The following ABCA2 variants were observed in gnomAD, a reference collection of about 807,000 sequenced individuals.
ABCA2 encodes the protein ATP-binding cassette sub-family A member 2.
In ABCA2, 84 loss-of-function variants were observed where a neutral mutation model predicts 262.8. The ratio of observed to expected loss-of-function variants is 0.32; its 90% CI spans 0.27 to 0.38. The LOEUF is 0.38. Ranked by LOEUF, ABCA2 falls within the 10% of genes least tolerant of loss-of-function variation. ABCA2 has a pLI of 1.00. For synonymous variants in ABCA2, 1,696 were observed against 1,502.9 expected, an observed-to-expected ratio of 1.13 and a Z score of -2.97; for missense variants, 2,662 against 3,405.9, an observed-to-expected ratio of 0.78 and a Z score of 5.44.
intron 16 of ABCA2, 29 bp downstream of exon 16, chr9:137,017,758 G>T: frequency 1.2e-6 from 2 of 1,610,482 alleles, no homozygotes; most frequent in South Asian, 1.1e-5. Flanking sequence ...GCCAGCCCGC[G>T]CCTCCAGGGA....
In ABCA2 at chr9:137,008,641, G is replaced by A. The variant is rs555608984; in HGVS notation, c.7069-19C>T. 34 of 1,591,878 alleles carry A rather than the reference G, an allele frequency of 2.1e-5. No homozygotes were observed. The highest frequency in any genetic ancestry group is 3.3e-4 in the Middle Eastern group (2 of 6,020). On this transcript the variant is annotated intron_variant, in intron 47 of 48. Coordinates refer to ENST00000341511, the MANE Select transcript of ABCA2 (RefSeq NM_001606.5). ...CGAACACCTGGTGGGTGGCGCAGGC[G>A]TGTGGGGAGGGGGCTGGTCTGGGGT...
chr9:137,012,028 G>A lies in ABCA2; in HGVS notation c.5361-10C>T. On this transcript the variant is annotated splice_polypyrimidine_tract_variant and intron_variant, in intron 34 of 48. Transcript: ENST00000341511. ...ATCCGTGCCCTGCAGCCTGGGGCAAGGAAGCCCTCAGTCCTCACGGCCGGG... is the reference window on the plus strand; with the variant it reads ...ATCCGTGCCCTGCAGCCTGGGGCAAAGAAGCCCTCAGTCCTCACGGCCGGG... The A allele has an allele frequency of 6.2e-7, 1 of 1,612,154 alleles. No homozygotes were observed. Among genetic ancestry groups the A allele is most frequent in the South Asian group, 1.1e-5 (1 of 91,074 alleles).
At position 137,017,891 on chromosome 9, in the gene ABCA2, C is replaced by T; in HGVS notation, c.2107G>A (p.Val703Ile). The change falls in exon 16 of 49, where the codon GTC becomes ATC. Residue 703 changes from valine to isoleucine, a missense_variant. Physicochemically the swap from Val to Ile is conservative, Grantham distance 29. Transcript: ENST00000341511. ...PCYTRDDFLF[V>I]IEHMMPLCMV... ...CACAGCGGCATCATGTGCTCAATGA[C>T]AAACAGGAAGCTGCGGGGAGGCCGC... 6.2e-7 allele frequency: 1 copy of T among 1,612,604 alleles called. No individual in the cohort carries two copies. The highest frequency in any genetic ancestry group is 8.5e-7 in the Non-Finnish European group (1 of 1,179,860).
At chr9:137,020,107 A>T (rs975351155) in intron 10 of ABCA2, 6 of 590,652 alleles carry the variant, frequency 1.0e-5, no homozygotes, top group African/African-American at 9.4e-5. Flanking sequence ...CAGCCGGAGG[A>T]CCCTGCCAGA....
intron 1 of ABCA2, among the ~76,000 whole-genome samples, chr9:137,026,172 C>T (rs1831646970): frequency 6.6e-6 from 1 of 152,220 alleles, no homozygotes; most frequent in Non-Finnish European, 1.5e-5. Flanking sequence ...GTCCAGCTAA[C>T]TAAGAGGAGA....
rs570802164 is a variant in ABCA2, at chr9:137,008,517, G to A, written c.7174C>T (p.Arg2392Trp). 6.3e-6 allele frequency: 10 copies of A among 1,591,676 alleles called. No homozygotes were observed. Among genetic ancestry groups the A allele is most frequent in the African/African-American group, 5.4e-5 (4 of 74,754 alleles). Residue 2392 changes from arginine to tryptophan, a missense_variant, in exon 48 of 49, where the codon CGG becomes TGG. Physicochemically the swap from Arg to Trp is moderately radical, Grantham distance 101. Transcript: ENST00000341511. Reference protein sequence around the residue: ...SPLGCLLSLLRPRSAPTELRA... With the variant: ...SPLGCLLSLLWPRSAPTELRA... The stretch of plus-strand genomic sequence containing the variant: ...AGCTCCGTGGGGGCAGACCGGGGCC[G>A]GAGCAGGCTGAGCAAGCAGCCGAGA...
In ABCA2 at chr9:137,014,819, GC is replaced by G. The variant is rs1564218931; in HGVS notation, c.3883-10del. ...AGGCTGCGCTCCAGGTGCTGCAGGG[GC>G]GGTGGAGGGGGAGGCTGCGGCAGGG... On this transcript the variant is annotated splice_polypyrimidine_tract_variant and intron_variant, in intron 25 of 48. Transcript: ENST00000341511. 6.3e-7 allele frequency: 1 copy of G among 1,597,354 alleles called. No individual in the cohort carries two copies. Among genetic ancestry groups the G allele is most frequent in the Admixed American group, 1.7e-5 (1 of 57,302 alleles).
rs540810773 is a variant in ABCA2, at chr9:137,021,007, G to A, written c.952C>T (p.Arg318Trp). 55 of 1,496,496 alleles carry A rather than the reference G, an allele frequency of 3.7e-5. No individual in the cohort carries two copies. Among genetic ancestry groups the A allele is most frequent in the Non-Finnish European group, 4.5e-5 (51 of 1,122,282 alleles). 92.7% of individuals were successfully genotyped at this position (1,496,496 alleles called of 1,614,324 possible). Reference protein sequence around the residue: ...SDSSPQAPPPRRLQALLGDLL... With the variant: ...SDSSPQAPPPWRLQALLGDLL... ...TCCCCCAGAAGCGCCTGCAGCCTCCGTGGGGGTGGCGCCTGTGGCGAGGAG... is the reference window on the plus strand; with the variant it reads ...TCCCCCAGAAGCGCCTGCAGCCTCCATGGGGGTGGCGCCTGTGGCGAGGAG... The change falls in exon 9 of 49, where the codon CGG becomes TGG. Residue 318 changes from arginine (R) to tryptophan (W), a missense_variant. Arg to Trp is a moderately radical substitution (Grantham distance 101). Around this residue, in one of 12 missense-constraint regions of ABCA2, gnomAD observed 403 missense variants for 375.9 expected, o/e 1.07. Transcript: ENST00000341511. The surrounding 1 kb of genome is among the most constrained non-coding windows in gnomAD (Gnocchi z 6.0).
chr9:137,025,537 G>A (rs1229810784), intron 1 of ABCA2, among the ~76,000 whole-genome samples: 1 of 152,240 alleles, frequency 6.6e-6, no homozygotes, highest in East Asian at 1.9e-4. Context: ...GGACAATAGG[G>A]CTTTGTGGCC....
rs889916923 is a variant in ABCA2 at position 137,013,386 on chromosome 9, C to T, written c.4551-68G>A. The T allele has an allele frequency of 2.1e-5, 32 of 1,528,062 alleles. 2 individuals are homozygous for T. The highest frequency in any genetic ancestry group is 2.0e-4 in the South Asian group (17 of 83,012). 94.7% of individuals were successfully genotyped at this position (1,528,062 alleles called of 1,614,324 possible). ...CCCTCGCCAGCCCCGCCCCCTCGCC[C>T]GCCTGGCCCACCAAGGCTGTCCCCG... On this transcript the variant is annotated intron_variant, in intron 29 of 48. Transcript: ENST00000341511.
chr9:137,009,734 G>T (rs375590437), intron 43 of ABCA2, 35 bp downstream of exon 43: 27 of 1,608,506 alleles, frequency 1.7e-5, no homozygotes, highest in Admixed American at 8.4e-5. Context: ...GAAGTCAAAG[G>T]CCAGGCAGCC....
At chr9:137,010,147 C>CGCAGCT (rs1564211864) in intron 41 of ABCA2, 23 bp from the exon 42 acceptor site, 6 of 1,590,386 alleles carry the variant, frequency 3.8e-6, no homozygotes, top group Non-Finnish European at 5.1e-6. Context: ...CAGCTGTCAG[C>CGCAGCT]GCGTGAGGAC....
intron 10 of ABCA2, 173 bp downstream of exon 10, chr9:137,020,159 CCGAA>C: frequency 1.3e-4 from 98 of 769,178 alleles, no homozygotes; most frequent in Admixed American, 2.0e-4. Flanking sequence ...CCTGGAGCTC[CCGAA>C]AGGAAAAGCG....
In ABCA2 at chr9:137,020,765, C is replaced by A. The variant is rs372371950; in HGVS notation, c.1194G>T (p.Thr398=). 1.3e-6 allele frequency: 2 copies of A among 1,597,894 alleles called. No homozygotes were observed. The highest frequency in any genetic ancestry group is 2.2e-5 in the South Asian group (2 of 90,008). ...CGAAGGCTGAGCACTGGCCCTGCAG[C>A]GTGTCCGGGGTGGCCAGTGCTGCAG... ...PSAAALATPD[T]LQGQCSAFVQ... The change falls in exon 9 of 49, where the codon ACG becomes ACT. Residue 398 remains threonine, a synonymous_variant. Transcript: ENST00000341511.
At chr9:137,018,415 A>G (rs1831338352) in intron 13 of ABCA2, 64 bp from the exon 14 acceptor site, 10 of 739,950 alleles carry the variant, frequency 1.4e-5, no homozygotes, top group East Asian at 5.4e-5. Flanking sequence ...GGTGGGGGGG[A>G]AAGCAAGGCA....
chr9:137,009,029 C>G lies in ABCA2; in HGVS notation c.6852G>C (p.Thr2284=), dbSNP rs200737069. ...KNRFGDGYMI[T]VRTKSSQSVK... is the part of the protein sequence containing the mutation. ...CACTCTGGCTGCTCTTGGTCCGCAC[C>G]GTGATCATGTAGCCATCTCCAAACC... The change falls in exon 46 of 49, where the codon ACG becomes ACC. Residue 2284 remains threonine, a synonymous_variant. Transcript: ENST00000341511. The G allele has an allele frequency of 1.2e-5, 19 of 1,608,474 alleles. No individual in the cohort carries two copies. The highest frequency in any genetic ancestry group is 1.6e-5 in the Non-Finnish European group (19 of 1,179,768).
In ABCA2 at chr9:137,024,132, G is replaced by A. The variant is rs1208544129; in HGVS notation, c.160+11C>T. The A allele has an allele frequency of 6.2e-7, 1 of 1,602,408 alleles. No individual in the cohort carries two copies. The highest frequency in any genetic ancestry group is 1.1e-5 in the South Asian group (1 of 89,374). On this transcript the variant is annotated intron_variant, in intron 2 of 48. Transcript: ENST00000341511. Reference sequence around the variant, plus strand: ...CCCCCGGCTGTGCCTGGGGCCTCCTGCCGCACTCACCTTCCTTCACGGAGA... The same window carrying A: ...CCCCCGGCTGTGCCTGGGGCCTCCTACCGCACTCACCTTCCTTCACGGAGA...
intron 14 of ABCA2, 30 bp from the exon 15 acceptor site, chr9:137,018,105 G>A (rs1831324965): frequency 2.5e-6 from 4 of 1,610,732 alleles, no homozygotes; most frequent in South Asian, 2.2e-5. Context: ...TCAGGTGCCG[G>A]GCAGGCCCTC....
chr9:137,011,369 C>T lies in ABCA2; in HGVS notation c.5799+38G>A, dbSNP rs1434312686. 1.9e-6 allele frequency: 3 copies of T among 1,606,508 alleles called. No individual in the cohort carries two copies. The highest frequency in any genetic ancestry group is 8.5e-7 in the Non-Finnish European group (1 of 1,176,506). ...GCCGGGGTGAGGGGCACAGCCTCCG[C>T]AGGGTCCGCCACCCCCACCATGTCG... On this transcript the variant is annotated intron_variant, in intron 37 of 48. Coordinates refer to ENST00000341511, the MANE Select transcript of ABCA2 (RefSeq NM_001606.5). This position sits in a 1 kb window ranked among gnomAD's most constrained non-coding sequence, Gnocchi z 8.8.
Sources: allele counts gnomAD v4.1 joint callset (sites outside exome capture counted in the v4.1 genomes callset), GRCh38; gene constraint gnomAD v4.1.1; regional missense constraint gnomAD v4.1.1; non-coding constraint Gnocchi (gnomAD v3.1); transcripts MANE v1.5; gene names NCBI Gene and HGNC (gene_info 2026-07-23, HGNC 2026-07-21).